The following CADM2 variants were observed in gnomAD, a reference collection of about 807,000 sequenced individuals.
The protein encoded by CADM2 is immunoglobulin superfamily member 4D.
A neutral mutation model predicts 49.8 loss-of-function variants in CADM2; 12 were observed. The observed-to-expected ratio is 0.24, with a 90% confidence interval of 0.15 to 0.39. The LOEUF (loss-of-function observed/expected upper bound fraction) is 0.39. CADM2 is among the 10% of genes least tolerant of loss of function. The pLI is 1.00. For synonymous variants in CADM2, 214 were observed against 175.4 expected, an observed-to-expected ratio of 1.22 and a Z score of -1.74; for missense variants, 378 against 492.3, an observed-to-expected ratio of 0.77 and a Z score of 2.20.
chr3:85,808,073 C>T (rs2072565382), intron 3 of CADM2, among the ~76,000 whole-genome samples: 1 of 152,132 alleles, frequency 6.6e-6, no homozygotes, highest in African/African-American at 2.4e-5. Flanking sequence ...CCCTGTCTGC[C>T]TTGTGTGCAC....
Position 85,363,065 on chromosome 3 carries a change from C to CT in CADM2, c.62-363455dup, listed in dbSNP as rs2032472743. Among the ~76,000 whole-genome samples, 9 of 152,156 alleles carry CT rather than the reference C, an allele frequency of 5.9e-5. No homozygotes were observed. In the South Asian group the frequency reaches 1.9e-3, roughly 32 times the overall value. On this transcript the variant is annotated intron_variant, in intron 1 of 9. Transcript: ENST00000383699. The stretch of plus-strand genomic sequence containing the variant: ...CTGCTTTCTGAGTACTCAAAGTCTC[C>CT]TTAGGGTCTGTCTTTTGGTCCTGTG...
intron 8 of CADM2, among the ~76,000 whole-genome samples, chr3:86,044,629 C>A (rs556314387): frequency 1.6e-4 from 24 of 152,110 alleles, no homozygotes; most frequent in Non-Finnish European, 3.4e-4. Context: ...CAAACTAGTT[C>A]AACCATTGTG....
chr3:85,001,692 G>T (rs1434618532), intron 1 of CADM2, among the ~76,000 whole-genome samples: 28 of 151,920 alleles, frequency 1.8e-4, no homozygotes, highest in Admixed American at 1.8e-3. Flanking sequence ...TCAAAGATAT[G>T]AAACGCCTTC....
chr3:85,858,882 A>C (rs1461327809), intron 3 of CADM2, among the ~76,000 whole-genome samples: 1 of 152,184 alleles, frequency 6.6e-6, no homozygotes, highest in African/African-American at 2.4e-5. Context: ...TATATAGAAA[A>C]AAAGTAACAA....
chr3:85,303,454 C>T (rs758312084), intron 1 of CADM2, among the ~76,000 whole-genome samples: 2 of 151,726 alleles, frequency 1.3e-5, no homozygotes, highest in Non-Finnish European at 2.9e-5. Context: ...CCTGGGGACA[C>T]GGGTGTTATA....
At chr3:85,502,614 G>C (rs1481211545) in intron 1 of CADM2, among the ~76,000 whole-genome samples, 1 of 152,056 alleles carries the variant, frequency 6.6e-6, no homozygotes, top group Non-Finnish European at 1.5e-5. Context: ...AGTGACAGCA[G>C]ATTTTTAAGT....
chr3:85,774,764 C>T (rs1422299738), intron 2 of CADM2, among the ~76,000 whole-genome samples: 1 of 151,524 alleles, frequency 6.6e-6, no homozygotes, highest in African/African-American at 2.4e-5. Context: ...TTATGGGCCA[C>T]AATTATTTTG....
At chr3:85,181,664 G>A (rs1320663712) in intron 1 of CADM2, among the ~76,000 whole-genome samples, 1 of 151,932 alleles carries the variant, frequency 6.6e-6, no homozygotes, top group South Asian at 2.1e-4. Flanking sequence ...ACACAAGCAA[G>A]TTTGCATTTA....
At chr3:85,379,638 G>A (rs1026581766) in intron 1 of CADM2, among the ~76,000 whole-genome samples, 1 of 151,980 alleles carries the variant, frequency 6.6e-6, no homozygotes, top group South Asian at 2.1e-4. Flanking sequence ...AAAGAGAATA[G>A]CCTTCAGTAA....
chr3:85,568,440 T>A (rs1372096017), intron 1 of CADM2, among the ~76,000 whole-genome samples: 6 of 35,946 alleles, frequency 1.7e-4, no homozygotes, highest in African/African-American at 4.9e-4. Flanking sequence ...TCTTTCTTTC[T>A]TTCTTTCTTT....
intron 1 of CADM2, among the ~76,000 whole-genome samples, chr3:85,665,638 C>A (rs1042220445): frequency 6.6e-6 from 1 of 151,922 alleles, no homozygotes; most frequent in Non-Finnish European, 1.5e-5. Flanking sequence ...TTACTAAAGT[C>A]TTTTGTGTCT....
chr3:85,093,446 G>A (rs2037676479), intron 1 of CADM2, among the ~76,000 whole-genome samples: 1 of 144,426 alleles, frequency 6.9e-6, no homozygotes. Context: ...GAACACGGGA[G>A]GTGGAGGTTG....
At chr3:86,001,199 C>T (rs1025214498) in intron 8 of CADM2, among the ~76,000 whole-genome samples, 1 of 152,064 alleles carries the variant, frequency 6.6e-6, no homozygotes, top group South Asian at 2.1e-4. Flanking sequence ...ACACTGGTGA[C>T]AGAATTATGA....
chr3:84,960,016 C>A (rs1231068113), intron 1 of CADM2: 8 of 391,324 alleles, frequency 2.0e-5, no homozygotes, highest in Non-Finnish European at 9.3e-6. Flanking sequence ...CTCCCGACAA[C>A]CCCCACCAGC....
At chr3:85,970,254 T>C (rs1725957267) in intron 8 of CADM2, among the ~76,000 whole-genome samples, 2 of 151,540 alleles carry the variant, frequency 1.3e-5, no homozygotes, top group Admixed American at 1.3e-4. Context: ...TCCAAGTATG[T>C]GTTTTCATCT....
intron 1 of CADM2, among the ~76,000 whole-genome samples, chr3:85,516,435 A>G (rs2060905029): frequency 6.6e-6 from 1 of 152,218 alleles, no homozygotes; most frequent in South Asian, 2.1e-4. Context: ...GTAAGGAAAC[A>G]TAAATAAGTT....
chr3:84,998,712 G>A (rs568865708), intron 1 of CADM2, among the ~76,000 whole-genome samples: 10 of 152,192 alleles, frequency 6.6e-5, no homozygotes, highest in African/African-American at 1.9e-4. Flanking sequence ...TAGCTTGGAC[G>A]TTTCCAGGAA....
intron 1 of CADM2, among the ~76,000 whole-genome samples, chr3:85,329,945 C>T (rs12491707): frequency 0.073 from 11,025 of 152,054 alleles, 734 homozygotes; most frequent in African/African-American, 0.17. Context: ...ACCATGTCTC[C>T]TTAATCCTTA....
chr3:85,934,124 T>C (rs1720916044), intron 6 of CADM2, among the ~76,000 whole-genome samples: 2 of 152,130 alleles, frequency 1.3e-5, no homozygotes, highest in Admixed American at 1.3e-4. Context: ...TTTCTGATCT[T>C]TCACCTCAAA....
Sources: gnomAD v4.1 joint callset for allele counts (sites outside exome capture counted in the v4.1 genomes callset) on GRCh38, gnomAD v4.1.1 for gene constraint, MANE v1.5 for transcripts, NCBI Gene and HGNC (gene_info 2026-07-23, HGNC 2026-07-21) for gene names.